Variants in MGAM observed in about 807,000 individuals in gnomAD.
MGAM encodes maltase-glucoamylase, also known as alpha-1,4-glucosidase.
In MGAM, 253 loss-of-function variants were observed where a neutral mutation model predicts 358.8. That is an observed-to-expected ratio of 0.71 (90% confidence interval 0.64 to 0.78). MGAM has a LOEUF of 0.78. MGAM is among the 30% of genes least tolerant of loss of function. MGAM has a pLI of 0.00. For missense variants in MGAM, 3,080 were observed against 3,432.6 expected, an observed-to-expected ratio of 0.90 and a Z score of 2.57; for synonymous variants, 1,105 against 1,227.1, an observed-to-expected ratio of 0.90 and a Z score of 2.08.
At chr7:142,097,289 G>A (rs1232688026) in intron 65 of MGAM, among the ~76,000 whole-genome samples, 2 of 151,992 alleles carry the variant, frequency 1.3e-5, no homozygotes, top group Non-Finnish European at 2.9e-5. Flanking sequence ...CACAACCTCA[G>A]TTGTTTGTCT....
At chr7:142,059,720 G>A (rs1811917404) in intron 32 of MGAM, 120 bp downstream of exon 32, 14 of 1,575,858 alleles carry the variant, frequency 8.9e-6, no homozygotes, top group Non-Finnish European at 1.2e-5. Context: ...TAAGAAAGGT[G>A]TATTTCCCAG....
chr7:142,076,705 A>G lies in MGAM; in HGVS notation c.5372A>G (p.Asn1791Ser), dbSNP rs781626890. The change falls in exon 47 of 71, where the codon AAT (asparagine) becomes AGT (serine). Residue 1791 changes from asparagine to serine, a missense_variant. Transcript: ENST00000475668. ...TCACAATCAACCTACAAGGACCCCAATAATTTAGCATTCAATGAGATTAAA... is the reference window on the plus strand; with the variant it reads ...TCACAATCAACCTACAAGGACCCCAGTAATTTAGCATTCAATGAGATTAAA... ...TISQSTYKDP[N>S]NLAFNEIKIL... 6.4e-6 allele frequency: 10 copies of G among 1,552,608 alleles called. 1 individual carries two copies. Among genetic ancestry groups the G allele is most frequent in the African/African-American group, 2.7e-5 (2 of 74,580 alleles).
rs752718630 is a variant in MGAM at position 142,056,436 on chromosome 7, G to T, written c.3580+340G>T. On this transcript the variant is annotated intron_variant, in intron 29 of 70. Transcript: ENST00000475668. ...AGAAGTTAGTCTGGGGGTATTGAGG[G>T]TGTATGGTATGTTGGAAAATTACCT... Among the ~76,000 whole-genome samples the T allele has an allele frequency of 1.7e-4, 26 of 152,092 alleles. 1 individual carries two copies. Among genetic ancestry groups the T allele is most frequent in the Admixed American group, 6.5e-5 (1 of 15,284 alleles).
chr7:142,020,784 G>A (rs1806379374), intron 4 of MGAM, among the ~76,000 whole-genome samples, 190 bp from the exon 5 acceptor site: 2 of 151,660 alleles, frequency 1.3e-5, no homozygotes, highest in South Asian at 4.2e-4. Flanking sequence ...AGTAGAGATG[G>A]GGTTTCACCA....
At position 142,036,223 on chromosome 7, in the gene MGAM, C is replaced by T. The variant is rs374646574; in HGVS notation, c.2014C>T (p.Arg672Trp). Residue 672 changes from arginine (R) to tryptophan (W), a missense_variant, in exon 17 of 71, where the codon CGG becomes TGG. Physicochemically the swap from Arg to Trp is moderately radical, Grantham distance 101. Transcript: ENST00000475668. ...ALDTPEELCR[R>W]WMQLGAFYPF... ...GGACACCCCTGAGGAGCTCTGTAGG[C>T]GGTGGATGCAGTTGGGTGCATTTTA... 83 of 1,612,232 alleles carry T rather than the reference C, an allele frequency of 5.1e-5. No individual in the cohort carries two copies. Among genetic ancestry groups the T allele is most frequent in the Non-Finnish European group, 6.2e-5 (73 of 1,179,294 alleles).
intron 2 of MGAM, among the ~76,000 whole-genome samples, chr7:142,007,380 A>G (rs1323684937): frequency 6.6e-6 from 1 of 152,060 alleles, no homozygotes; most frequent in Non-Finnish European, 1.5e-5. Flanking sequence ...TCTAGGATCA[A>G]CTTCCTAGGA....
At chr7:142,096,070 G>A in intron 64 of MGAM, 1 of 599,018 alleles carries the variant, frequency 1.7e-6, no homozygotes, top group Non-Finnish European at 3.0e-6. Flanking sequence ...CCTTGCATTT[G>A]AAGTTTGCCA....
Position 142,038,635 on chromosome 7 carries a change from T to TA in MGAM, c.2316+21dup. 6.4e-7 allele frequency: 1 copy of TA among 1,571,354 alleles called. No individual in the cohort carries two copies. Among genetic ancestry groups the TA allele is most frequent in the Non-Finnish European group, 8.7e-7 (1 of 1,150,796 alleles). ...GATGAAGTAAGTGTTCCCACAGAGA[T>TA]ACACTAGAGATCTCTGCATCTGTAT... On this transcript the variant is annotated intron_variant, in intron 19 of 70. Coordinates refer to ENST00000475668, the MANE Select transcript of MGAM (RefSeq NM_001365693.1).
intron 14 of MGAM, 91 bp downstream of exon 14, chr7:142,033,000 T>C: frequency 1.2e-6 from 1 of 837,178 alleles, no homozygotes; most frequent in Non-Finnish European, 1.8e-6. Flanking sequence ...GGCAAGGGAA[T>C]TTGTTCATAA....
intron 3 of MGAM, among the ~76,000 whole-genome samples, chr7:142,016,826 C>T (rs571344426): frequency 2.0e-5 from 3 of 152,248 alleles, no homozygotes; most frequent in Non-Finnish European, 2.9e-5. Flanking sequence ...CTCCTGACCT[C>T]GAGTGATCTG....
intron 21 of MGAM, among the ~76,000 whole-genome samples, chr7:142,047,329 C>G (rs1403898749): frequency 6.6e-6 from 1 of 152,006 alleles, no homozygotes; most frequent in African/African-American, 2.4e-5. Flanking sequence ...ATAGATGGAC[C>G]TTATTATATG....
rs1159385818 is a variant in MGAM, at chr7:142,065,428, C to A, written c.4578C>A (p.Asp1526Glu). Reference protein sequence around the residue: ...SGRWAGHWLGDNTAAWDQLKK... With the variant: ...SGRWAGHWLGENTAAWDQLKK... ...GCTGGGCAGGACATTGGCTGGGAGA[C>A]AACACGGCCGCATGGGATCAGCTGA... Residue 1526 changes from aspartate to glutamate, a missense_variant, in exon 38 of 71, where the codon GAC (aspartate) becomes GAA (glutamate). By Grantham distance (45) the Asp-to-Glu change is conservative. Around this residue, in one of 5 missense-constraint regions of MGAM, gnomAD observed 134 missense variants for 198.4 expected, o/e 0.68. Transcript: ENST00000475668. The A allele has an allele frequency of 1.2e-6, 2 of 1,609,608 alleles. No individual in the cohort carries two copies. Among genetic ancestry groups the A allele is most frequent in the Admixed American group, 3.4e-5 (2 of 59,204 alleles).
intron 31 of MGAM, 150 bp from the exon 32 acceptor site, chr7:142,059,322 G>A (rs1350844874): frequency 2.5e-5 from 34 of 1,353,306 alleles, no homozygotes; most frequent in Admixed American, 2.8e-5. Flanking sequence ...GTATTTCCCA[G>A]CACCTGTACC....
At chr7:142,075,334 C>T (rs1424472815) in intron 45 of MGAM, among the ~76,000 whole-genome samples, 1 of 145,934 alleles carries the variant, frequency 6.9e-6, no homozygotes, top group Non-Finnish European at 1.6e-5. Context: ...TTGTAAAGCT[C>T]CTAGAAGAAA....
intron 53 of MGAM, 100 bp downstream of exon 53, chr7:142,083,513 A>G (rs1814503825): frequency 1.2e-6 from 1 of 867,080 alleles, no homozygotes; most frequent in Admixed American, 2.8e-5. Flanking sequence ...AACTGGAATT[A>G]TTGGTATTAC....
In MGAM at chr7:142,055,698, G is replaced by C. The variant is rs772211918; in HGVS notation, c.3455G>C (p.Gly1152Ala). The C allele has an allele frequency of 7.4e-6, 12 of 1,613,772 alleles. No individual in the cohort carries two copies. In the African/African-American group the frequency reaches 1.6e-4, roughly 22 times the overall value. ...YRRDLEWHTW[G>A]MFSRDQPPGY... ...AGAGACTTGGAGTGGCACACTTGGG[G>C]GATGTTCTCCCGAGACCAGCCCCCA... Residue 1152 changes from glycine (G) to alanine (A), a missense_variant, in exon 28 of 71, where the codon GGG (glycine) becomes GCG (alanine). Physicochemically the swap from Gly to Ala is moderately conservative, Grantham distance 60. This residue lies in a region of MGAM where 1,816 missense variants were observed against 1,840.5 expected (regional missense o/e 0.99). Coordinates refer to ENST00000475668, the MANE Select transcript of MGAM (RefSeq NM_001365693.1).
chr7:142,022,742 A>G (rs1806583368), intron 7 of MGAM, among the ~76,000 whole-genome samples: 1 of 151,802 alleles, frequency 6.6e-6, no homozygotes, highest in Non-Finnish European at 1.5e-5. Flanking sequence ...ATAAATGCCA[A>G]CTCCTTCATA....
At chr7:142,058,143 T>C in intron 30 of MGAM, 60 bp from the exon 31 acceptor site, 8 of 1,608,718 alleles carry the variant, frequency 5.0e-6, no homozygotes, top group Non-Finnish European at 5.9e-6. Context: ...TATTACTTGA[T>C]GTAAAACTTC....
intron 59 of MGAM, among the ~76,000 whole-genome samples, chr7:142,093,068 C>T (rs1815549769): frequency 6.8e-6 from 1 of 146,582 alleles, no homozygotes; most frequent in Non-Finnish European, 1.5e-5. Flanking sequence ...ATGTCCAAAT[C>T]TCAGTCTGCT....
Sources: allele counts gnomAD v4.1 joint callset (sites outside exome capture counted in the v4.1 genomes callset), GRCh38; gene constraint gnomAD v4.1.1; regional missense constraint gnomAD v4.1.1; transcripts MANE v1.5; gene names NCBI Gene and HGNC (gene_info 2026-07-23, HGNC 2026-07-21).